PLA2G2F: variants seen among roughly 807,000 people sequenced by gnomAD.
PLA2G2F encodes group IIF secretory phospholipase A2.
A neutral mutation model predicts 15.9 loss-of-function variants in PLA2G2F; 17 were observed. The observed-to-expected ratio is 1.07, with a 90% CI of 0.73 to 1.60. The LOEUF (loss-of-function observed/expected upper bound fraction) is 1.60. Among genes scored for constraint, PLA2G2F ranks in the 40% most tolerant of loss-of-function variants. PLA2G2F has a pLI of 0.00. For synonymous variants in PLA2G2F, 119 were observed against 106.5 expected, an observed-to-expected ratio of 1.12 and a Z score of -0.72; for missense variants, 299 against 278.2, an observed-to-expected ratio of 1.07 and a Z score of -0.53.
Position 20,143,538 on chromosome 1 carries a change from G to A in PLA2G2F, c.262G>A (p.Gly88Ser), listed in dbSNP as rs755584199. The change falls in exon 3 of 5, where the codon GGT becomes AGT. Residue 88 changes from glycine to serine, a missense_variant. Coordinates refer to ENST00000375102, the MANE Select transcript of PLA2G2F (RefSeq NM_022819.4). ...CGCCATCCTGTCCTTCGTGGGCTAC[G>A]GTTGCTACTGTGGGCTGGGGGGCCG... Reference protein sequence around the residue: ...RSAILSFVGYGCYCGLGGRGQ... With the variant: ...RSAILSFVGYSCYCGLGGRGQ... 8.1e-6 allele frequency: 13 copies of A among 1,613,946 alleles called. No individual in the cohort carries two copies. The highest frequency in any genetic ancestry group is 1.6e-4 in the Middle Eastern group (1 of 6,078).
rs1440925235 is a variant in PLA2G2F, at chr1:20,150,196, C to G, written c.*1795C>G. 1 of 152,308 alleles carries G rather than the reference C, an allele frequency of 6.6e-6. No homozygotes were observed. Among genetic ancestry groups the G allele is most frequent in the Non-Finnish European group, 1.5e-5 (1 of 68,142 alleles). 9.4% of individuals were successfully genotyped at this position (152,308 alleles called of 1,614,324 possible). A position where few individuals can be genotyped will look rare whatever the true frequency, so the allele number is the denominator to read the frequency against. ...AACGCAGGTTCCCAGCTGCGCCCCT[C>G]CCCCGCGCACACACACCCTCCCCTG... On this transcript the variant is annotated 3_prime_UTR_variant, in exon 5 of 5. Coordinates refer to ENST00000375102, the MANE Select transcript of PLA2G2F (RefSeq NM_022819.4).
intron 2 of PLA2G2F, chr1:20,141,746 C>T (rs372583295): frequency 3.9e-5 from 6 of 152,260 alleles, no homozygotes; most frequent in African/African-American, 1.4e-4. Context: ...CATGATCACA[C>T]TTCAACCTCC....
chr1:20,140,442 G>T (rs1377045156), intron 2 of PLA2G2F: 2 of 543,962 alleles, frequency 3.7e-6, no homozygotes, highest in Non-Finnish European at 6.6e-6. Context: ...GCAGGGCGCA[G>T]GGCTGAGCAA....
intron 4 of PLA2G2F, among the ~76,000 whole-genome samples, chr1:20,145,247 A>G (rs2017564807): frequency 6.6e-6 from 1 of 152,142 alleles, no homozygotes; most frequent in Non-Finnish European, 1.5e-5. Context: ...ATTTATAGAT[A>G]AGGAAATGTT....
chr1:20,148,122 C>G, intron 4 of PLA2G2F, 68 bp from the exon 5 acceptor site: 3 of 1,311,904 alleles, frequency 2.3e-6, no homozygotes, highest in Non-Finnish European at 3.3e-6. Context: ...CTCCCCTTCC[C>G]CAGCAGTAGT....
intron 2 of PLA2G2F, 36 bp from the exon 3 acceptor site, chr1:20,143,410 G>A (rs372359823): frequency 1.7e-5 from 28 of 1,603,810 alleles, no homozygotes; most frequent in Non-Finnish European, 1.9e-5. Flanking sequence ...CCAGCCCCGG[G>A]GCAGGGGCTC....
Position 20,139,511 on chromosome 1 carries a change from C to T in PLA2G2F, c.84C>T (p.Arg28=). Residue 28 remains arginine (R), a synonymous_variant, in exon 1 of 5, where the codon CGC becomes CGT. Transcript: ENST00000375102. The part of the protein sequence containing the change: ...DRCFSGWRGP[R]FGASCPSRTS... ...GCTTCTCTGGGTGGAGGGGCCCACG[C>T]TTCGGGGCCTCCTGTCCTTCAAGAA... 1 of 1,570,024 alleles carries T rather than the reference C, an allele frequency of 6.4e-7. No homozygotes were observed. Among genetic ancestry groups the T allele is most frequent in the Non-Finnish European group, 8.6e-7 (1 of 1,157,060 alleles).
intron 3 of PLA2G2F, 71 bp downstream of exon 3, chr1:20,143,661 C>T (rs1219004516): frequency 6.4e-7 from 1 of 1,559,216 alleles, no homozygotes; most frequent in East Asian, 2.3e-5. Context: ...TGACCTTGCC[C>T]TCCATCCCTG....
At chr1:20,144,793 C>A in intron 4 of PLA2G2F, 104 bp downstream of exon 4, 1 of 1,030,636 alleles carries the variant, frequency 9.7e-7, no homozygotes, top group South Asian at 1.4e-5. Flanking sequence ...ATACAGGCTG[C>A]CAGCCGGGTG....
chr1:20,142,189 A>AG (rs954112157), intron 2 of PLA2G2F: 3 of 152,642 alleles, frequency 2.0e-5, no homozygotes, highest in East Asian at 3.9e-4. Flanking sequence ...GTGCTGAGCT[A>AG]GGCCCCTCAC....
At chr1:20,144,815 G>C in intron 4 of PLA2G2F, 126 bp downstream of exon 4, 5 of 792,036 alleles carry the variant, frequency 6.3e-6, no homozygotes, top group Non-Finnish European at 1.0e-5. Flanking sequence ...GGTGGCTCAT[G>C]CCTGTAATCC....
rs375234640 is a variant in PLA2G2F at position 20,144,539 on chromosome 1, G to A, written c.315-41G>A. The A allele has an allele frequency of 2.6e-4, 377 of 1,458,502 alleles. No homozygotes were observed. In the African/African-American group the frequency reaches 4.8e-3, roughly 19 times the overall value. 90.3% of individuals were successfully genotyped at this position (1,458,502 alleles called of 1,614,324 possible). A position where few individuals can be genotyped will look rare whatever the true frequency, so the allele number is the denominator to read the frequency against. On this transcript the variant is annotated intron_variant, in intron 3 of 4. Transcript: ENST00000375102. ...GGTCTCTGCTGGTGGGAGATGGGCC[G>A]GCCCAGCCATGCCTGTCCACTCACC...
chr1:20,146,089 G>A (rs2017599120), intron 4 of PLA2G2F, among the ~76,000 whole-genome samples: 1 of 152,234 alleles, frequency 6.6e-6, no homozygotes, highest in African/African-American at 2.4e-5. Context: ...CTGATTCCGT[G>A]GGTGTTGGTG....
In PLA2G2F at chr1:20,148,343, C is replaced by G. The variant is rs1326133460; in HGVS notation, c.578C>G (p.Pro193Arg). The change falls in exon 5 of 5, where the codon CCG (proline) becomes CGG (arginine). Residue 193 changes from proline to arginine, a missense_variant. Physicochemically the swap from Pro to Arg is moderately radical, Grantham distance 103 (BLOSUM62 -2). Coordinates refer to ENST00000375102, the MANE Select transcript of PLA2G2F (RefSeq NM_022819.4). ...ACGCCCAACTGCAGCATCTATGAAC[C>G]GCCCCCTGAGGAGGTCACCTGCAGT... ...GPTPNCSIYE[P>R]PPEEVTCSHQ... 3 of 1,613,974 alleles carry G rather than the reference C, an allele frequency of 1.9e-6. No homozygotes were observed. The highest frequency in any genetic ancestry group is 1.7e-5 in the Admixed American group (1 of 60,002).
chr1:20,140,334 GGCTTCT>G (rs1167331264), intron 2 of PLA2G2F, 116 bp downstream of exon 2: 6 of 1,145,742 alleles, frequency 5.2e-6, no homozygotes, highest in Non-Finnish European at 7.4e-6. Context: ...CCTGTCTCTG[GGCTTCT>G]GCTTCTTGTC....
At chr1:20,143,327 C>T (rs1557776270) in intron 2 of PLA2G2F, 119 bp from the exon 3 acceptor site, 1 of 1,329,870 alleles carries the variant, frequency 7.5e-7, no homozygotes, top group East Asian at 2.4e-5. Context: ...CTTTCTCCTT[C>T]CTTCTCCCAC....
At chr1:20,140,020 C>G in intron 1 of PLA2G2F, 146 bp from the exon 2 acceptor site, 1 of 832,432 alleles carries the variant, frequency 1.2e-6, no homozygotes, top group Non-Finnish European at 1.9e-6. Flanking sequence ...TGGGCAGGTA[C>G]TGATGACAGC....
At chr1:20,148,135 T>TG in intron 4 of PLA2G2F, 55 bp from the exon 5 acceptor site, 1 of 1,409,966 alleles carries the variant, frequency 7.1e-7, no homozygotes, top group Non-Finnish European at 1.0e-6. Flanking sequence ...GCAGTAGTCC[T>TG]GGGGGAGCTG....
intron 2 of PLA2G2F, chr1:20,140,802 G>A (rs2017442662): frequency 6.6e-6 from 1 of 152,630 alleles, no homozygotes; most frequent in Non-Finnish European, 1.5e-5. Context: ...GGAGGTCAGG[G>A]GCTTCTTTCT....
Sources: allele counts gnomAD v4.1 joint callset (sites outside exome capture counted in the v4.1 genomes callset), GRCh38; gene constraint gnomAD v4.1.1; transcripts MANE v1.5; gene names NCBI Gene and HGNC (gene_info 2026-07-23, HGNC 2026-07-21).